The following PHEX variants were observed in gnomAD, a reference collection of about 807,000 sequenced individuals.
PHEX encodes phosphate regulating endopeptidase X-linked.
A neutral mutation model predicts 68.0 loss-of-function variants in PHEX; 16 were observed. That is an observed-to-expected ratio of 0.24 (90% CI 0.16 to 0.36). PHEX has a LOEUF of 0.36. PHEX is among the 10% of genes least tolerant of loss of function. PHEX has a pLI of 1.00. For synonymous variants in PHEX, 208 were observed against 205.1 expected (o/e 1.01, Z -0.12); for missense variants, 480 against 575.5 (o/e 0.83, Z 1.70).
At chrX:22,116,713 T>A (rs1411193007) in intron 11 of PHEX, among the ~76,000 whole-genome samples, 1 of 111,199 alleles carries the variant, frequency 9.0e-6, no homozygotes, top group Non-Finnish European at 1.9e-5. Flanking sequence ...AACACAGGCC[T>A]CCATCACAAC....
chrX:22,035,999 TACACACACACAC>T (rs767503875), intron 1 of PHEX, among the ~76,000 whole-genome samples: 2 of 76,783 alleles, frequency 2.6e-5, no homozygotes, highest in Non-Finnish European at 2.4e-5. Context: ...TAATTAATTA[TACACACACACAC>T]ACACACACAC....
At chrX:22,179,474 C>A (rs749283107) in intron 14 of PHEX, among the ~76,000 whole-genome samples, 1 of 108,618 alleles carries the variant, frequency 9.2e-6, no homozygotes, top group African/African-American at 3.3e-5. Flanking sequence ...TTATTCCTCA[C>A]CCCCCTCCCA....
chrX:22,230,847 T>G (rs1341790609), intron 20 of PHEX, among the ~76,000 whole-genome samples: 1 of 111,982 alleles, frequency 8.9e-6, no homozygotes, highest in Non-Finnish European at 1.9e-5. Flanking sequence ...GGCATCCTTG[T>G]CTGGTGCTGG....
At chrX:22,091,365 G>A (rs1469212002) in intron 6 of PHEX, among the ~76,000 whole-genome samples, 4 of 111,499 alleles carry the variant, frequency 3.6e-5, no homozygotes, top group Middle Eastern at 4.2e-3. Context: ...GCTCAAAATC[G>A]TCTCCCCCTA....
At chrX:22,108,942 CAA>C (rs34267547) in intron 9 of PHEX, among the ~76,000 whole-genome samples, 8 of 73,315 alleles carry the variant, frequency 1.1e-4, no homozygotes. Context: ...ACTCCATCTT[CAA>C]AAAAAAAAAA....
At chrX:22,038,668 A>C (rs1448491815) in intron 2 of PHEX, 131 bp downstream of exon 2, 1 of 536,857 alleles carries the variant, frequency 1.9e-6, no homozygotes, top group Non-Finnish European at 3.3e-6. Flanking sequence ...ATTTTGAAGA[A>C]ATTTTAAGTT....
In PHEX at chrX:22,077,547, C is replaced by T. The variant is rs755595286; in HGVS notation, c.508C>T (p.Leu170Phe). Reference sequence around the variant, plus strand: ...GCATTCACCTTTCCGCTGGCCCGTGCTTGAATCTAATATTGGCCCTGAAGG... The same window carrying T: ...GCATTCACCTTTCCGCTGGCCCGTGTTTGAATCTAATATTGGCCCTGAAGG... ...LRHSPFRWPV[L>F]ESNIGPEGVW... is the part of the protein sequence containing the mutation. The change falls in exon 5 of 22, where the codon CTT (leucine) becomes TTT (phenylalanine). Residue 170 changes from leucine (L) to phenylalanine (F), a missense_variant. Physicochemically the swap from Leu to Phe is conservative, Grantham distance 22. Coordinates refer to ENST00000379374, the MANE Select transcript of PHEX (RefSeq NM_000444.6). 1 of 1,211,707 alleles carries T rather than the reference C, an allele frequency of 8.3e-7. No homozygotes were observed.
At chrX:22,130,383 T>G (rs1263460624) in intron 11 of PHEX, among the ~76,000 whole-genome samples, 1 of 108,465 alleles carries the variant, frequency 9.2e-6, no homozygotes, top group Admixed American at 9.9e-5. Context: ...CTACTAAAAA[T>G]ACACAAAAAT....
chrX:22,049,365 C>A (rs1193339182), intron 3 of PHEX, among the ~76,000 whole-genome samples: 1 of 110,348 alleles, frequency 9.1e-6, no homozygotes, highest in Non-Finnish European at 1.9e-5. Flanking sequence ...TGGCCTGCCT[C>A]AGCCTCCCAA....
chrX:22,086,096 A>T (rs749756376), intron 5 of PHEX, among the ~76,000 whole-genome samples: 1 of 111,950 alleles, frequency 8.9e-6, no homozygotes, highest in East Asian at 2.8e-4. Flanking sequence ...CTTTGACTCT[A>T]GCCCAAGATC....
In PHEX at chrX:22,064,558, C is replaced by T. The variant is rs752681053; in HGVS notation, c.350-11830C>T. On this transcript the variant is annotated intron_variant, in intron 3 of 21. Coordinates refer to ENST00000379374, the MANE Select transcript of PHEX (RefSeq NM_000444.6). Reference sequence around the variant, plus strand: ...TATGTAGTTCCAGAAAGTTCTCAGGCGATGCCCATGCTGCTGGTTTGGGGA... The same window carrying T: ...TATGTAGTTCCAGAAAGTTCTCAGGTGATGCCCATGCTGCTGGTTTGGGGA... Among the ~76,000 whole-genome samples the T allele has an allele frequency of 6.3e-5, 7 of 111,813 alleles. No homozygotes were observed. In the South Asian group the frequency reaches 2.6e-3, roughly 42 times the overall value.
At chrX:22,103,300 T>TTTTTTA (rs757748989) in intron 9 of PHEX, among the ~76,000 whole-genome samples, 558 of 111,789 alleles carry the variant, frequency 5.0e-3, no homozygotes, top group Non-Finnish European at 8.0e-3. Flanking sequence ...TCATTTCTTA[T>TTTTTTA]TTTTTATTTT....
intron 3 of PHEX, among the ~76,000 whole-genome samples, chrX:22,062,405 G>T (rs746815199): frequency 5.4e-5 from 6 of 111,993 alleles, no homozygotes; most frequent in Non-Finnish European, 1.1e-4. Context: ...CGTGTCAGCA[G>T]TTGGGATGAT....
intron 3 of PHEX, among the ~76,000 whole-genome samples, chrX:22,067,933 A>G (rs1042688399): frequency 9.1e-6 from 1 of 109,989 alleles, no homozygotes; most frequent in Non-Finnish European, 1.9e-5. Flanking sequence ...TCCAGGTTCA[A>G]GTGATTCTCC....
chrX:22,041,230 A>C (rs1490030448), intron 2 of PHEX, among the ~76,000 whole-genome samples: 1 of 90,994 alleles, frequency 1.1e-5, no homozygotes, highest in Non-Finnish European at 2.1e-5. Flanking sequence ...TTTTTGTTCC[A>C]TTCTTAAGTG....
At chrX:22,132,121 A>G (rs2301314) in intron 11 of PHEX, among the ~76,000 whole-genome samples, 5,664 of 110,663 alleles carry the variant, frequency 0.051, 143 homozygotes, top group East Asian at 0.068. Context: ...TTTTTTAGAG[A>G]CAAGGTCTCA....
At chrX:22,197,644 C>T (rs1312181173) in intron 15 of PHEX, among the ~76,000 whole-genome samples, 2 of 111,384 alleles carry the variant, frequency 1.8e-5, no homozygotes, top group East Asian at 2.8e-4. Flanking sequence ...GATACAGAAC[C>T]ACCCAAATAA....
chrX:22,098,795 C>CAAAAAA (rs746223770), intron 8 of PHEX, among the ~76,000 whole-genome samples: 266 of 11,388 alleles, frequency 0.023, 60 homozygotes, highest in African/African-American at 0.045. Flanking sequence ...GAGAATGTCT[C>CAAAAAA]AAAAAAAAAA....
chrX:22,046,587 G>A (rs1187412607), intron 2 of PHEX, among the ~76,000 whole-genome samples: 1 of 83,605 alleles, frequency 1.2e-5, no homozygotes, highest in Admixed American at 1.5e-4. Context: ...TTTTTTTTGA[G>A]AGACAGGTTC....
Sources: allele counts gnomAD v4.1 joint callset (sites outside exome capture counted in the v4.1 genomes callset), GRCh38; gene constraint gnomAD v4.1.1; transcripts MANE v1.5; gene names NCBI Gene and HGNC (gene_info 2026-07-23, HGNC 2026-07-21).